The following FRMD4A variants were observed in gnomAD, a reference collection of about 807,000 sequenced individuals.
FRMD4A encodes the protein FERM domain-containing protein 4A.
In FRMD4A, 29 loss-of-function variants were observed where a neutral mutation model predicts 129.1. That is an observed-to-expected ratio of 0.22 (90% CI 0.17 to 0.31). The LOEUF (loss-of-function observed/expected upper bound fraction) is 0.31. Ranked by LOEUF, FRMD4A falls within the 10% of genes least tolerant of loss-of-function variation. FRMD4A has a pLI of 1.00. For synonymous variants in FRMD4A, 634 were observed against 571.6 expected (o/e 1.11, Z -1.56); for missense variants, 1,272 against 1,375.8 (o/e 0.92, Z 1.19).
intron 2 of FRMD4A, among the ~76,000 whole-genome samples, chr10:14,071,193 A>T (rs1049846079): frequency 2.0e-5 from 3 of 152,232 alleles, no homozygotes; most frequent in African/African-American, 7.2e-5. Flanking sequence ...GAAGCCAGTA[A>T]AGAGTAAATA....
chr10:13,727,482 G>C (rs188307567), intron 12 of FRMD4A, among the ~76,000 whole-genome samples: 4 of 152,166 alleles, frequency 2.6e-5, no homozygotes, highest in Non-Finnish European at 2.9e-5. Flanking sequence ...CAGTGATGGC[G>C]GTGGCTCCGG....
chr10:14,273,089 C>CAT (rs1564432097), intron 2 of FRMD4A, among the ~76,000 whole-genome samples: 2 of 150,978 alleles, frequency 1.3e-5, no homozygotes, highest in African/African-American at 4.9e-5. Context: ...CACACACACA[C>CAT]ATGCACACAC....
chr10:14,009,099 C>A (rs1449245101), intron 2 of FRMD4A, among the ~76,000 whole-genome samples: 12 of 152,230 alleles, frequency 7.9e-5, no homozygotes. Context: ...TCCATCACGT[C>A]TGTCAATTAT....
intron 2 of FRMD4A, among the ~76,000 whole-genome samples, chr10:13,954,038 C>A (rs146299363): frequency 4.1e-4 from 62 of 152,298 alleles, no homozygotes; most frequent in Non-Finnish European, 2.5e-4. Context: ...AAATCACAAG[C>A]AAAAACCAGG....
At chr10:13,657,594 G>A in intron 21 of FRMD4A, 72 bp from the exon 22 acceptor site, 1 of 1,452,960 alleles carries the variant, frequency 6.9e-7, no homozygotes, top group Non-Finnish European at 9.1e-7. Flanking sequence ...GGGGAGGAGG[G>A]GGTCCTGAGG....
intron 2 of FRMD4A, among the ~76,000 whole-genome samples, chr10:14,016,868 C>T (rs925737665): frequency 5.9e-5 from 9 of 152,202 alleles, no homozygotes; most frequent in Non-Finnish European, 8.8e-5. Flanking sequence ...GAAGATTTGT[C>T]GGTATCTGTG....
intron 2 of FRMD4A, among the ~76,000 whole-genome samples, chr10:14,300,899 C>T (rs1846161619): frequency 6.6e-6 from 1 of 152,158 alleles, no homozygotes; most frequent in Non-Finnish European, 1.5e-5. Context: ...TATCATGTTT[C>T]ATAAGGGTAT....
At chr10:14,133,481 A>T (rs896859997) in intron 2 of FRMD4A, among the ~76,000 whole-genome samples, 4 of 152,176 alleles carry the variant, frequency 2.6e-5, no homozygotes, top group African/African-American at 4.8e-5. Context: ...GGGCATCTCA[A>T]CAAGAAGCAG....
chr10:14,017,987 G>T (rs2131642382), intron 2 of FRMD4A, among the ~76,000 whole-genome samples: 1 of 152,294 alleles, frequency 6.6e-6, no homozygotes, highest in South Asian at 2.1e-4. Context: ...CAAATCCTTA[G>T]AGGTAGATGA....
At chr10:13,795,634 T>C (rs1381584219) in intron 5 of FRMD4A, among the ~76,000 whole-genome samples, 14 of 152,220 alleles carry the variant, frequency 9.2e-5, no homozygotes, top group African/African-American at 3.4e-4. Context: ...TTAGTGTCCA[T>C]GTAAAGACTG....
At chr10:13,736,044 G>A (rs2090610790) in intron 12 of FRMD4A, among the ~76,000 whole-genome samples, 1 of 152,022 alleles carries the variant, frequency 6.6e-6, no homozygotes, top group Non-Finnish European at 1.5e-5. Context: ...TCCAGCTACT[G>A]GAAAGGCTGA....
intron 12 of FRMD4A, among the ~76,000 whole-genome samples, chr10:13,732,407 C>T (rs544550511): frequency 5.3e-5 from 8 of 152,230 alleles, no homozygotes; most frequent in East Asian, 3.9e-4. Flanking sequence ...GTGAGTGTGC[C>T]GACGGGTTGC....
chr10:14,211,435 G>T (rs1191804417), intron 2 of FRMD4A, among the ~76,000 whole-genome samples: 1 of 152,184 alleles, frequency 6.6e-6, no homozygotes, highest in East Asian at 1.9e-4. Flanking sequence ...TTCCAAAATA[G>T]CTCCTTAAGG....
At chr10:14,190,475 G>A (rs922332406) in intron 2 of FRMD4A, among the ~76,000 whole-genome samples, 11 of 152,108 alleles carry the variant, frequency 7.2e-5, no homozygotes, top group East Asian at 1.9e-4. Context: ...AGGCTCTAGC[G>A]ATCCTGCCTC....
chr10:13,716,689 C>A (rs578158277), intron 12 of FRMD4A, among the ~76,000 whole-genome samples: 1 of 152,310 alleles, frequency 6.6e-6, no homozygotes, highest in African/African-American at 2.4e-5. Flanking sequence ...CCATCAAAAA[C>A]CTCTTAGCTT....
intron 3 of FRMD4A, among the ~76,000 whole-genome samples, chr10:13,825,596 T>C (rs2093690186): frequency 6.6e-6 from 1 of 152,182 alleles, no homozygotes. Flanking sequence ...ATGGAAAAAC[T>C]GTCTTCCATG....
chr10:14,214,970 A>G (rs1343641260), intron 2 of FRMD4A, among the ~76,000 whole-genome samples: 1 of 152,228 alleles, frequency 6.6e-6, no homozygotes, highest in Non-Finnish European at 1.5e-5. Flanking sequence ...ACATTGTTCC[A>G]GTTTTTTTGC....
intron 2 of FRMD4A, among the ~76,000 whole-genome samples, chr10:14,129,475 C>T (rs905326678): frequency 9.6e-5 from 14 of 145,222 alleles, no homozygotes; most frequent in Non-Finnish European, 1.8e-4. Context: ...TCACAGATCA[C>T]AGAGAGGGTC....
At chr10:14,309,497 T>G (rs377085248) in intron 2 of FRMD4A, among the ~76,000 whole-genome samples, 7 of 152,028 alleles carry the variant, frequency 4.6e-5, no homozygotes, top group South Asian at 2.1e-4. Flanking sequence ...CAAAACCGTA[T>G]AGAGTCACCA....
Sources: allele counts gnomAD v4.1 joint callset (sites outside exome capture counted in the v4.1 genomes callset), GRCh38; gene constraint gnomAD v4.1.1; transcripts MANE v1.5; gene names NCBI Gene and HGNC (gene_info 2026-07-23, HGNC 2026-07-21).